Variants in MICAL2 observed in about 807,000 individuals in gnomAD.
The protein encoded by MICAL2 is microtubule associated monooxygenase, calponin and LIM domain containing 2.
MICAL2 carries 77 observed loss-of-function variants against 127.3 expected under a neutral mutation model. The ratio of observed to expected loss-of-function variants is 0.60; its 90% CI spans 0.50 to 0.73. The LOEUF (loss-of-function observed/expected upper bound fraction) is 0.73. Among genes scored for constraint, MICAL2 ranks in the 30% least tolerant of loss-of-function variants. The pLI is 0.00. For synonymous variants in MICAL2, 570 were observed against 551.1 expected (o/e 1.03, Z -0.48); for missense variants, 1,351 against 1,434.4 (o/e 0.94, Z 0.94).
chr11:12,288,368 C>T (rs2134776960), downstream of MICAL2, among the ~76,000 whole-genome samples: 1 of 152,322 alleles, frequency 6.6e-6, no homozygotes, highest in Admixed American at 6.5e-5. Flanking sequence ...CTACTGTGTG[C>T]CACCAGTGTG....
chr11:12,259,059 C>A (rs566275132), intron 25 of MICAL2, among the ~76,000 whole-genome samples: 1 of 152,332 alleles, frequency 6.6e-6, no homozygotes, highest in Admixed American at 6.5e-5. Flanking sequence ...TTCTCTCGGG[C>A]TTGATTAATC....
intron 2 of MICAL2, among the ~76,000 whole-genome samples, chr11:12,160,636 C>T (rs1854673538): frequency 6.6e-6 from 1 of 152,202 alleles, no homozygotes; most frequent in Admixed American, 6.5e-5. Flanking sequence ...AATCTCATTC[C>T]TAAAATTGAA....
intron 29 of MICAL2, among the ~76,000 whole-genome samples, chr11:12,302,751 C>A (rs1485535782): frequency 6.6e-6 from 1 of 152,014 alleles, no homozygotes; most frequent in Non-Finnish European, 1.5e-5. Flanking sequence ...AAGCCTCAAA[C>A]TTTTGACTTC....
At chr11:12,213,078 CTT>C (rs3214984) in intron 6 of MICAL2, among the ~76,000 whole-genome samples, 175 bp from the exon 7 acceptor site, 33,238 of 152,014 alleles carry the variant, frequency 0.22, 4,153 homozygotes, top group Non-Finnish European at 0.27. Context: ...GTCTCACTGA[CTT>C]TTAAAAGCCT....
intron 7 of MICAL2, among the ~76,000 whole-genome samples, chr11:12,215,937 AC>A (rs1322320447): frequency 8.5e-5 from 13 of 152,320 alleles, no homozygotes; most frequent in African/African-American, 3.1e-4. Context: ...GCTTTTCTGC[AC>A]AATTACCCGG....
At position 12,224,805 on chromosome 11, in the gene MICAL2, T is replaced by C. The variant is rs934687869; in HGVS notation, c.1673T>C (p.Phe558Ser). The change falls in exon 13 of 28, where the codon TTC (phenylalanine) becomes TCC (serine). Residue 558 changes from phenylalanine (F) to serine (S), a missense_variant. By Grantham distance (155) the Phe-to-Ser change is radical (BLOSUM62 -2). Around this residue, in one of 2 missense-constraint regions of MICAL2, gnomAD observed 599 missense variants for 714.9 expected, o/e 0.84. Transcript: ENST00000683283. ...GLALCAIIHR[F>S]RPELINFDSL... is the part of the protein sequence containing the mutation. Reference sequence around the variant, plus strand: ...GCCCTGTGTGCCATCATCCACCGCTTCCGGCCTGAGCTCATGTGAGTCTGG... The same window carrying C: ...GCCCTGTGTGCCATCATCCACCGCTCCCGGCCTGAGCTCATGTGAGTCTGG... The C allele has an allele frequency of 2.5e-6, 4 of 1,613,176 alleles. No individual in the cohort carries two copies. The highest frequency in any genetic ancestry group is 2.5e-6 in the Non-Finnish European group (3 of 1,179,276).
chr11:12,316,778 G>T (rs770701688), intron 29 of MICAL2, among the ~76,000 whole-genome samples: 1 of 152,124 alleles, frequency 6.6e-6, no homozygotes, highest in Non-Finnish European at 1.5e-5. Context: ...AATTAAATAG[G>T]CAGTAAAGAA....
chr11:12,223,608 G>C, intron 12 of MICAL2, 107 bp downstream of exon 12: 1 of 973,440 alleles, frequency 1.0e-6, no homozygotes, highest in Non-Finnish European at 1.6e-6. Context: ...GCCTGGCTCT[G>C]CCCCTTTACC....
intron 2 of MICAL2, among the ~76,000 whole-genome samples, chr11:12,154,336 T>G (rs1191613698): frequency 6.6e-6 from 1 of 151,262 alleles, no homozygotes; most frequent in Non-Finnish European, 1.5e-5. Context: ...CCTGAGCGCT[T>G]GTTAGGCCTG....
intron 9 of MICAL2, among the ~76,000 whole-genome samples, chr11:12,221,263 C>T (rs1856785811): frequency 6.6e-6 from 1 of 152,212 alleles, no homozygotes; most frequent in African/African-American, 2.4e-5. Context: ...CATTTTCCAA[C>T]CACCATGCCT....
intron 29 of MICAL2, among the ~76,000 whole-genome samples, chr11:12,297,465 A>G (rs981165597): frequency 6.6e-6 from 1 of 151,998 alleles, no homozygotes; most frequent in Non-Finnish European, 1.5e-5. Flanking sequence ...ACTTTTTACC[A>G]GTTTCTTGTT....
intron 29 of MICAL2, among the ~76,000 whole-genome samples, chr11:12,307,249 AAGTAGC>A (rs1301236864): frequency 6.6e-6 from 1 of 152,120 alleles, no homozygotes; most frequent in African/African-American, 2.4e-5. Context: ...TTTTTTGGTA[AAGTAGC>A]TTTCAAATCT....
At chr11:12,294,157 C>A, downstream of MICAL2, 3 of 1,614,016 alleles carry the variant, frequency 1.9e-6, no homozygotes, top group Middle Eastern at 1.6e-4. Flanking sequence ...CCCTGCCAAC[C>A]CAGAGAGGGG....
chr11:12,297,939 T>C (rs1864005714), intron 29 of MICAL2, among the ~76,000 whole-genome samples: 1 of 151,796 alleles, frequency 6.6e-6, no homozygotes, highest in African/African-American at 2.4e-5. Flanking sequence ...TTATTTTAGG[T>C]ATTTTACTAT....
chr11:12,169,065 G>A (rs1855920922), intron 3 of MICAL2, among the ~76,000 whole-genome samples: 1 of 151,710 alleles, frequency 6.6e-6, no homozygotes, highest in South Asian at 2.1e-4. Flanking sequence ...AAAATTTAGT[G>A]TGGAAGAAGT....
intron 24 of MICAL2, 50 bp from the exon 25 acceptor site, chr11:12,258,418 C>G (rs758450706): frequency 7.0e-7 from 1 of 1,432,576 alleles, no homozygotes; most frequent in Non-Finnish European, 9.8e-7. Context: ...CTACTTAGCT[C>G]TAGTTTACAG....
Position 12,327,244 on chromosome 11 carries a change from G to T in MICAL2, c.5493G>T (p.Glu1831Asp), listed in dbSNP as rs1203681202. 2 of 1,550,910 alleles carry T rather than the reference G, an allele frequency of 1.3e-6. No individual in the cohort carries two copies. The highest frequency in any genetic ancestry group is 1.9e-4 in the Middle Eastern group (1 of 5,344). ...CTGAGATCCAGGGTGTGAGGCTGGA[G>T]AAGGCGTTGCGAGGAGAAGCAGGTA... is the stretch of plus-strand genomic sequence containing the variant. The change falls in exon 32 of 35, where the codon GAG becomes GAT. Residue 1831 changes from glutamate (E) to aspartate (D), a missense_variant. Physicochemically the swap from Glu to Asp is conservative, Grantham distance 45. Transcript: ENST00000646065.
chr11:12,317,653 A>G (rs1312382007), intron 29 of MICAL2, among the ~76,000 whole-genome samples: 1 of 152,178 alleles, frequency 6.6e-6, no homozygotes, highest in South Asian at 2.1e-4. Context: ...TTAGCAGGGC[A>G]TGTTGGTGGG....
intron 21 of MICAL2, among the ~76,000 whole-genome samples, chr11:12,246,167 G>A (rs34434234): frequency 2.0e-3 from 309 of 152,348 alleles, no homozygotes; most frequent in Non-Finnish European, 3.6e-3. Flanking sequence ...CTAAGAGACG[G>A]CAGGGAGCAG....
Sources: gnomAD v4.1 joint callset for allele counts (sites outside exome capture counted in the v4.1 genomes callset) on GRCh38, gnomAD v4.1.1 for gene constraint, gnomAD v4.1.1 regional missense constraint, MANE v1.5 for transcripts, NCBI Gene and HGNC (gene_info 2026-07-23, HGNC 2026-07-21) for gene names.